GMDS: variants seen among roughly 807,000 people sequenced by gnomAD.
The protein encoded by GMDS is GDP-mannose 4,6-dehydratase.
Under a neutral mutation model 49.9 loss-of-function variants are expected in GMDS, and 20 were observed. The observed-to-expected ratio is 0.40, with a 90% confidence interval of 0.28 to 0.58. The LOEUF (loss-of-function observed/expected upper bound fraction) is 0.58, where lower values mean the gene tolerates loss of function less well. Ranked by LOEUF, GMDS falls within the 20% of genes least tolerant of loss-of-function variation. GMDS has a pLI of 0.42. For synonymous variants in GMDS, 177 were observed against 178.6 expected (o/e 0.99, Z 0.07); for missense variants, 362 against 481.4 (o/e 0.75, Z 2.32).
chr6:1,905,391 C>A (rs879209022), intron 7 of GMDS, among the ~76,000 whole-genome samples: 1 of 138,536 alleles, frequency 7.2e-6, no homozygotes, highest in African/African-American at 2.8e-5. Context: ...TGGGTGCTGG[C>A]GTGTAGGTGG....
chr6:1,730,960 G>A (rs764698584), intron 8 of GMDS, among the ~76,000 whole-genome samples: 4 of 152,012 alleles, frequency 2.6e-5, no homozygotes, highest in Admixed American at 2.0e-4. Flanking sequence ...GCAGGGGGAG[G>A]AGAATCAGAA....
intron 1 of GMDS, among the ~76,000 whole-genome samples, chr6:2,212,614 T>C (rs1397667490): frequency 1.3e-5 from 2 of 150,792 alleles, no homozygotes; most frequent in African/African-American, 4.9e-5. Context: ...TAAGAATTGC[T>C]GGAGAAAACA....
At chr6:2,017,931 T>C (rs1488686098) in intron 4 of GMDS, among the ~76,000 whole-genome samples, 1 of 152,180 alleles carries the variant, frequency 6.6e-6, no homozygotes, top group African/African-American at 2.4e-5. Flanking sequence ...GAAAGCTGCA[T>C]ACGCTGCAGG....
At chr6:1,758,067 C>T (rs1335204816) in intron 7 of GMDS, among the ~76,000 whole-genome samples, 1 of 152,192 alleles carries the variant, frequency 6.6e-6, no homozygotes, top group Non-Finnish European at 1.5e-5. Context: ...GCTGTGGCTA[C>T]CACGCTGGGC....
intron 7 of GMDS, among the ~76,000 whole-genome samples, chr6:1,861,693 G>C (rs1758194646): frequency 1.3e-5 from 2 of 152,134 alleles, no homozygotes; most frequent in Non-Finnish European, 2.9e-5. Flanking sequence ...GGGCTAATTG[G>C]CTAGAGTGAT....
intron 4 of GMDS, among the ~76,000 whole-genome samples, chr6:1,976,861 TG>T (rs1764933262): frequency 1.3e-5 from 2 of 152,116 alleles, no homozygotes; most frequent in South Asian, 4.1e-4. Context: ...TTAGATTTTA[TG>T]GGAAAACACA....
At chr6:1,901,236 A>G (rs1760489568) in intron 7 of GMDS, among the ~76,000 whole-genome samples, 1 of 152,192 alleles carries the variant, frequency 6.6e-6, no homozygotes, top group Non-Finnish European at 1.5e-5. Flanking sequence ...GCCTGTGCTA[A>G]TTACGATACG....
At chr6:1,839,522 G>A (rs1289481655) in intron 7 of GMDS, among the ~76,000 whole-genome samples, 2 of 152,068 alleles carry the variant, frequency 1.3e-5, no homozygotes, top group African/African-American at 4.8e-5. Flanking sequence ...CCCAAGCACT[G>A]TGGCTTTGAC....
At chr6:1,917,312 G>A (rs1273837877) in intron 7 of GMDS, among the ~76,000 whole-genome samples, 1 of 152,216 alleles carries the variant, frequency 6.6e-6, no homozygotes, top group East Asian at 1.9e-4. Flanking sequence ...GCACTGAGGA[G>A]TTGGCAGAGC....
chr6:1,793,141 G>A (rs1335861856), intron 7 of GMDS, among the ~76,000 whole-genome samples: 1 of 152,018 alleles, frequency 6.6e-6, no homozygotes, highest in Non-Finnish European at 1.5e-5. Flanking sequence ...TTCAACAAAC[G>A]ACTTCTTCAG....
At chr6:2,127,385 C>T (rs1775506789) in intron 1 of GMDS, among the ~76,000 whole-genome samples, 1 of 146,800 alleles carries the variant, frequency 6.8e-6, no homozygotes, top group African/African-American at 2.5e-5. Context: ...GCTTTGTGTT[C>T]TACCATAGCT....
chr6:1,946,653 G>C (rs1763086712), intron 6 of GMDS, among the ~76,000 whole-genome samples: 1 of 152,192 alleles, frequency 6.6e-6, no homozygotes, highest in African/African-American at 2.4e-5. Context: ...TTCAGCCAAA[G>C]AAAGGGGGAT....
At chr6:2,151,526 G>A (rs1776844073) in intron 1 of GMDS, among the ~76,000 whole-genome samples, 1 of 152,000 alleles carries the variant, frequency 6.6e-6, no homozygotes, top group South Asian at 2.1e-4. Context: ...TGTAATGCCA[G>A]GAAGGTAAAT....
intron 4 of GMDS, among the ~76,000 whole-genome samples, chr6:1,994,203 T>C (rs1299662759): frequency 1.3e-5 from 2 of 152,222 alleles, no homozygotes; most frequent in Admixed American, 1.3e-4. Context: ...TCTTGTTCTT[T>C]TTATGCTAAA....
intron 7 of GMDS, among the ~76,000 whole-genome samples, chr6:1,772,428 A>T (rs141526947): frequency 1.3e-5 from 2 of 152,334 alleles, no homozygotes; most frequent in Admixed American, 6.5e-5. Context: ...GAGAAAAGGC[A>T]AGTTTCAAAT....
At chr6:2,168,140 T>C (rs1777759865) in intron 1 of GMDS, among the ~76,000 whole-genome samples, 1 of 152,154 alleles carries the variant, frequency 6.6e-6, no homozygotes, top group Non-Finnish European at 1.5e-5. Context: ...CCCTTCCATC[T>C]TTATTGTTTC....
chr6:1,663,918 T>C (rs1764162947), intron 9 of GMDS, among the ~76,000 whole-genome samples: 2 of 152,206 alleles, frequency 1.3e-5, no homozygotes, highest in Non-Finnish European at 2.9e-5. Context: ...GCATGTAATT[T>C]ATTTGTTGTA....
At chr6:1,792,558 C>T (rs1293682777) in intron 7 of GMDS, among the ~76,000 whole-genome samples, 1 of 152,232 alleles carries the variant, frequency 6.6e-6, no homozygotes, top group African/African-American at 2.4e-5. Flanking sequence ...GAATACTACA[C>T]CTTCACCTTT....
At chr6:1,952,951 G>A (rs570814755) in intron 6 of GMDS, among the ~76,000 whole-genome samples, 12 of 152,156 alleles carry the variant, frequency 7.9e-5, no homozygotes, top group East Asian at 1.9e-4. Flanking sequence ...AACGGCCCAC[G>A]AGGTAGGCTC....
Sources: allele counts gnomAD v4.1 joint callset (sites outside exome capture counted in the v4.1 genomes callset), GRCh38; gene constraint gnomAD v4.1.1; transcripts MANE v1.5; gene names NCBI Gene and HGNC (gene_info 2026-07-23, HGNC 2026-07-21).